TIAM1: variants seen among roughly 807,000 people sequenced by gnomAD.
TIAM1 encodes TIAM Rac1 associated GEF 1.
A neutral mutation model predicts 163.5 loss-of-function variants in TIAM1; 65 were observed. The observed-to-expected ratio is 0.40, with a 90% CI of 0.33 to 0.49. TIAM1 has a LOEUF of 0.49. TIAM1 is among the 20% of genes least tolerant of loss of function. TIAM1 has a pLI of 0.77. For synonymous variants in TIAM1, 833 were observed against 810.1 expected, an observed-to-expected ratio of 1.03 and a Z score of -0.48; for missense variants, 1,789 against 2,044.7, an observed-to-expected ratio of 0.87 and a Z score of 2.41.
At chr21:31,259,159 G>C (rs1039373528) in intron 4 of TIAM1, among the ~76,000 whole-genome samples, 5 of 150,834 alleles carry the variant, frequency 3.3e-5, no homozygotes, top group Admixed American at 2.6e-4. Flanking sequence ...TTTGAGACAG[G>C]GTCTCATTCT....
intron 1 of TIAM1, among the ~76,000 whole-genome samples, chr21:31,532,207 TGCTA>T (rs1033781290): frequency 6.6e-6 from 1 of 152,172 alleles, no homozygotes; most frequent in Non-Finnish European, 1.5e-5. Flanking sequence ...AGGACTGACA[TGCTA>T]TCTCTGGCTG....
At chr21:31,333,872 G>T (rs2075759112) in intron 2 of TIAM1, among the ~76,000 whole-genome samples, 1 of 152,134 alleles carries the variant, frequency 6.6e-6, no homozygotes, top group African/African-American at 2.4e-5. Flanking sequence ...ATGATTTGTT[G>T]AAAGAATGAA....
intron 3 of TIAM1, among the ~76,000 whole-genome samples, chr21:31,276,254 T>C (rs1569149870): frequency 6.6e-6 from 1 of 152,160 alleles, no homozygotes; most frequent in Admixed American, 6.5e-5. Flanking sequence ...CACACACAAA[T>C]ACCCTGAACA....
At chr21:31,348,587 G>A (rs73193760), upstream of TIAM1, among the ~76,000 whole-genome samples, 7,982 of 152,310 alleles carry the variant, frequency 0.052, 279 homozygotes, top group Non-Finnish European at 0.078. Context: ...ACATTTTGTG[G>A]TTGACTACCA....
At chr21:31,223,720 C>T in intron 7 of TIAM1, 129 bp from the exon 8 acceptor site, 1 of 924,090 alleles carries the variant, frequency 1.1e-6, no homozygotes, top group African/African-American at 1.7e-5. Flanking sequence ...ACAACAGGTA[C>T]CTAAGTTTCT....
intron 5 of TIAM1, among the ~76,000 whole-genome samples, chr21:31,245,956 C>CA (rs895468509): frequency 2.0e-4 from 30 of 152,190 alleles, no homozygotes; most frequent in Admixed American, 5.9e-4. Context: ...TCCTCACAGA[C>CA]ATAGGGTCTT....
intron 3 of TIAM1, among the ~76,000 whole-genome samples, chr21:31,272,746 ATCCC>A (rs2073117143): frequency 6.6e-6 from 1 of 152,224 alleles, no homozygotes; most frequent in Non-Finnish European, 1.5e-5. Flanking sequence ...ATATAGTTGA[ATCCC>A]CTTTTATTTT....
Position 31,225,852 on chromosome 21 carries a change from T to A in TIAM1, c.1683A>T (p.Arg561=). 6.2e-7 allele frequency: 1 copy of A among 1,613,966 alleles called. No individual in the cohort carries two copies. The change falls in exon 7 of 28, where the codon CGA becomes CGT. Residue 561 remains arginine (R), a synonymous_variant. Transcript: ENST00000541036. ...GTTTTTTGATCTCTGATTTCAGGAG[T>A]CGGAGCGTGTCTTCCTTGTGGTGGT... ...ARHHHKEDTL[R]LLKSEIKKLE...
intron 22 of TIAM1, among the ~76,000 whole-genome samples, chr21:31,140,646 G>A (rs1353958465): frequency 6.6e-6 from 1 of 152,192 alleles, no homozygotes; most frequent in African/African-American, 2.4e-5. Flanking sequence ...TTTCTCAGGT[G>A]TATCTGTTCC....
intron 2 of TIAM1, among the ~76,000 whole-genome samples, chr21:31,335,365 C>T (rs952787135): frequency 6.6e-6 from 1 of 152,198 alleles, no homozygotes; most frequent in African/African-American, 2.4e-5. Context: ...TCAACAAGCT[C>T]ATGAACAGTG....
chr21:31,205,029 T>C (rs1323926105), intron 11 of TIAM1, among the ~76,000 whole-genome samples: 3 of 152,202 alleles, frequency 2.0e-5, no homozygotes, highest in Admixed American at 6.5e-5. Flanking sequence ...AGATTGTTGA[T>C]GTCAAAGATA....
intron 15 of TIAM1, among the ~76,000 whole-genome samples, chr21:31,179,616 G>C (rs1430781556): frequency 6.6e-6 from 1 of 151,784 alleles, no homozygotes; most frequent in Non-Finnish European, 1.5e-5. Flanking sequence ...ATAATGGCAG[G>C]GTCCATGGAT....
chr21:31,400,981 C>T (rs2077155805), intron 2 of TIAM1, among the ~76,000 whole-genome samples: 1 of 152,036 alleles, frequency 6.6e-6, no homozygotes, highest in Non-Finnish European at 1.5e-5. Context: ...ATCCCAGCTA[C>T]TCAGGAGGCT....
At position 31,154,329 on chromosome 21, in the gene TIAM1, G is replaced by A. The variant is rs138288728; in HGVS notation, c.3089C>T (p.Ala1030Val). ...TGCATCCGAGAGTTGTCTCATGGTC[G>A]CCAGCTGAGGCCCCGTGGAGTCCTG... ...SPQDSTGPQL[A>V]TMRQLSDADK... The change falls in exon 17 of 28, where the codon GCG (alanine) becomes GTG (valine). Residue 1030 changes from alanine to valine, a missense_variant. Ala to Val is a moderately conservative substitution (Grantham distance 64). Around this residue, in one of 5 missense-constraint regions of TIAM1, gnomAD observed 303 missense variants for 321.3 expected, o/e 0.94. Transcript: ENST00000541036. 6.9e-4 allele frequency: 1,108 copies of A among 1,614,114 alleles called. 4 individuals carry two copies. Among genetic ancestry groups the A allele is most frequent in the Non-Finnish European group, 1.8e-4 (217 of 1,180,018 alleles).
chr21:31,450,593 T>C (rs2044794076), intron 2 of TIAM1, among the ~76,000 whole-genome samples: 1 of 152,176 alleles, frequency 6.6e-6, no homozygotes, highest in Admixed American at 6.5e-5. Context: ...TCTTCCCTCC[T>C]TGAGAGTTGT....
intron 1 of TIAM1, among the ~76,000 whole-genome samples, chr21:31,558,427 C>A (rs980461275): frequency 6.6e-6 from 1 of 152,158 alleles, no homozygotes; most frequent in Non-Finnish European, 1.5e-5. Context: ...CCAAGGTGAG[C>A]GCCCAGGACG....
chr21:31,224,188 C>A (rs2146626664), intron 7 of TIAM1, among the ~76,000 whole-genome samples: 1 of 152,236 alleles, frequency 6.6e-6, no homozygotes, highest in South Asian at 2.1e-4. Flanking sequence ...ATAATACAAG[C>A]ATAAGTACAA....
At chr21:31,248,088 A>G (rs1036357372) in intron 5 of TIAM1, among the ~76,000 whole-genome samples, 1 of 152,192 alleles carries the variant, frequency 6.6e-6, no homozygotes, top group African/African-American at 2.4e-5. Flanking sequence ...CTCACAACAA[A>G]TAATTATCCA....
rs2077042652 is a variant in TIAM1, at chr21:31,395,190, A to G, written c.-368-55768T>C. Among the ~76,000 whole-genome samples, 3 of 151,966 alleles carry G rather than the reference A, an allele frequency of 2.0e-5. No individual in the cohort carries two copies. The South Asian group carries it at 6.2e-4, about 32-fold the overall frequency. On this transcript the variant is annotated intron_variant, in intron 2 of 28. Transcript: ENST00000286827. The surrounding 1 kb of genome is among the most constrained non-coding windows in gnomAD (Gnocchi z 7.5). The stretch of plus-strand genomic sequence containing the variant: ...GAGGCAGAGGTTGCAGTAAGCTGAG[A>G]TCGCGCCACCACACTCCAGCCTGGG...
Sources: allele counts gnomAD v4.1 joint callset (sites outside exome capture counted in the v4.1 genomes callset), GRCh38; gene constraint gnomAD v4.1.1; regional missense constraint gnomAD v4.1.1; non-coding constraint Gnocchi (gnomAD v3.1); transcripts MANE v1.5; gene names NCBI Gene and HGNC (gene_info 2026-07-23, HGNC 2026-07-21).